Variants in CDK12 observed in about 807,000 individuals in gnomAD.
CDK12 encodes cyclin dependent kinase 12, also known as cyclin-dependent kinase 12.
In CDK12, 17 loss-of-function variants were observed where a neutral mutation model predicts 133.8. The observed-to-expected ratio is 0.13, with a 90% CI of 0.09 to 0.19. The LOEUF is 0.19. CDK12 is among the 10% of genes least tolerant of loss of function. The pLI, the probability that CDK12 is intolerant of heterozygous loss-of-function variation, is 1.00. For synonymous variants in CDK12, 694 were observed against 683.6 expected (o/e 1.02, Z -0.24); for missense variants, 1,508 against 1,818.7 (o/e 0.83, Z 3.11).
At chr17:39,473,206 G>A (rs2049934295) in intron 2 of CDK12, among the ~76,000 whole-genome samples, 1 of 151,762 alleles carries the variant, frequency 6.6e-6, no homozygotes, top group African/African-American at 2.4e-5. Context: ...TTTTATAGCC[G>A]GGTTTGTTTT....
intron 1 of CDK12, among the ~76,000 whole-genome samples, chr17:39,470,617 T>A (rs1283041436): frequency 6.6e-6 from 1 of 152,176 alleles, no homozygotes; most frequent in Non-Finnish European, 1.5e-5. Flanking sequence ...CTGGAGTCCA[T>A]ACTTTATTTA....
In CDK12 at chr17:39,462,218, C is replaced by G. The variant is rs571927153; in HGVS notation, c.147C>G (p.His49Gln). The G allele has an allele frequency of 1.2e-6, 2 of 1,614,248 alleles. No individual in the cohort carries two copies. Residue 49 changes from histidine (H) to glutamine (Q), a missense_variant, in exon 1 of 14, where the codon CAC becomes CAG. Coordinates refer to ENST00000447079, the MANE Select transcript of CDK12 (RefSeq NM_016507.4). ...VSKHKRHKSK[H>Q]SKDMGLVTPE... The stretch of plus-strand genomic sequence containing the variant: ...AGCACAAGCGGCATAAGTCCAAACA[C>G]TCCAAAGACATGGGGTTGGTGACCC...
intron 2 of CDK12, among the ~76,000 whole-genome samples, chr17:39,489,545 C>A (rs530179976): frequency 6.9e-6 from 1 of 144,426 alleles, no homozygotes; most frequent in Non-Finnish European, 1.5e-5. Context: ...CATACTGTTG[C>A]CTGGGCTGGA....
chr17:39,511,237 AATGAG>A (rs1228351122), intron 7 of CDK12, among the ~76,000 whole-genome samples: 2 of 128,620 alleles, frequency 1.6e-5, no homozygotes, highest in Non-Finnish European at 1.7e-5. Flanking sequence ...AAAAAAAAAA[AATGAG>A]ATCTTGCTGT....
At chr17:39,545,738 G>A (rs1177056554), upstream of CDK12, among the ~76,000 whole-genome samples, 3 of 149,692 alleles carry the variant, frequency 2.0e-5, 1 homozygote, top group Non-Finnish European at 4.4e-5. Context: ...GACCTCAGGT[G>A]ATCTGCCCAC....
intron 5 of CDK12, among the ~76,000 whole-genome samples, chr17:39,499,681 TG>T (rs1248419098): frequency 2.6e-5 from 4 of 151,758 alleles, no homozygotes; most frequent in African/African-American, 9.7e-5. Flanking sequence ...GGCTAATTTT[TG>T]TATTTTTTTT....
chr17:39,509,657 G>T, intron 6 of CDK12, 48 bp from the exon 7 acceptor site: 1 of 1,318,024 alleles, frequency 7.6e-7, no homozygotes, highest in South Asian at 1.2e-5. Flanking sequence ...GGTGTATTTT[G>T]GAGGCCACTG....
At chr17:39,473,387 A>G (rs185665996) in intron 2 of CDK12, among the ~76,000 whole-genome samples, 1 of 152,318 alleles carries the variant, frequency 6.6e-6, no homozygotes, top group East Asian at 1.9e-4. Context: ...AGTCCTCTGT[A>G]TATTGAGAAC....
At chr17:39,492,099 CT>C (rs781378233) in intron 3 of CDK12, among the ~76,000 whole-genome samples, 66 of 127,020 alleles carry the variant, frequency 5.2e-4, no homozygotes, top group East Asian at 7.2e-4. Flanking sequence ...ATTTTCTTTT[CT>C]TTTTTTTTTT....
intron 1 of CDK12, among the ~76,000 whole-genome samples, chr17:39,468,142 G>T (rs544757955): frequency 6.6e-6 from 1 of 151,896 alleles, no homozygotes; most frequent in East Asian, 1.9e-4. Context: ...TGATCCACCC[G>T]CCTCAGCCTC....
intron 8 of CDK12, among the ~76,000 whole-genome samples, chr17:39,512,341 CTACTT>C (rs2053552199): frequency 6.6e-6 from 1 of 152,186 alleles, no homozygotes; most frequent in South Asian, 2.1e-4. Flanking sequence ...GACCCTGAAA[CTACTT>C]TACAGTTTGT....
In CDK12 at chr17:39,482,599, A is replaced by ATTTTTTTT. The variant is rs71147345; in HGVS notation, c.1932-7944_1932-7937dup. ...GCTGCCAAAGTGAACAATCAACTAC[A>ATTTTTTTT]TTTTTTTTTTTTTTTTTTTTTGAGG... On this transcript the variant is annotated intron_variant, in intron 2 of 13. Coordinates refer to ENST00000447079, the MANE Select transcript of CDK12 (RefSeq NM_016507.4). Among the ~76,000 whole-genome samples the ATTTTTTTT allele has an allele frequency of 5.1e-3, 376 of 74,394 alleles. 62 individuals are homozygous for ATTTTTTTT. In the Middle Eastern group the frequency reaches 0.053, roughly 10 times the overall value. The allele number at this position is 74,394 out of a possible 152,430, so 48.8% of individuals were successfully genotyped here.
Position 39,531,431 on chromosome 17 carries a change from T to A in CDK12, c.*115T>A. Reference sequence around the variant, plus strand: ...GAGGTAATCATCTGCATTTGGCTACTGCAAAGCTGTCCGTTGTATTCCTTG... The same window carrying A: ...GAGGTAATCATCTGCATTTGGCTACAGCAAAGCTGTCCGTTGTATTCCTTG... On this transcript the variant is annotated 3_prime_UTR_variant, in exon 14 of 14. Coordinates refer to ENST00000447079, the MANE Select transcript of CDK12 (RefSeq NM_016507.4). The A allele has an allele frequency of 9.5e-7, 1 of 1,047,838 alleles. No homozygotes were observed. The highest frequency in any genetic ancestry group is 3.0e-5 in the East Asian group (1 of 33,374). The allele number at this position is 1,047,838 out of a possible 1,614,324, so 64.9% of individuals were successfully genotyped here. A position where few individuals can be genotyped will look rare whatever the true frequency, so the allele number is the denominator to read the frequency against.
chr17:39,514,355 T>G (rs1469171522), intron 8 of CDK12, among the ~76,000 whole-genome samples: 1 of 152,200 alleles, frequency 6.6e-6, no homozygotes, highest in Non-Finnish European at 1.5e-5. Flanking sequence ...TTTCTCAAAT[T>G]AAGTCAAACT....
At chr17:39,563,383 A>T (rs562434165) in intron 3 of CDK12, among the ~76,000 whole-genome samples, 1 of 145,172 alleles carries the variant, frequency 6.9e-6, no homozygotes, top group African/African-American at 2.7e-5. Flanking sequence ...ATCTGAGAGA[A>T]CTCAATATTC....
At chr17:39,513,540 C>T (rs1012884427) in intron 8 of CDK12, among the ~76,000 whole-genome samples, 6 of 152,136 alleles carry the variant, frequency 3.9e-5, no homozygotes, top group African/African-American at 7.2e-5. Context: ...CTAAAGTTAA[C>T]GCCCCATTAA....
chr17:39,486,253 CTTTTTTTTTTT>C (rs35710234), intron 2 of CDK12, among the ~76,000 whole-genome samples: 1 of 86,512 alleles, frequency 1.2e-5, no homozygotes, highest in Non-Finnish European at 2.3e-5. Flanking sequence ...CACCCTGCCT[CTTTTTTTTTTT>C]TTTTTTTTTT....
intron 5 of CDK12, 122 bp from the exon 6 acceptor site, chr17:39,501,128 A>C: frequency 1.7e-6 from 1 of 603,178 alleles, no homozygotes; most frequent in South Asian, 2.7e-5. Flanking sequence ...TCATCTGTAA[A>C]ATTCAAGGGT....
At chr17:39,481,630 C>T (rs2050663358) in intron 2 of CDK12, among the ~76,000 whole-genome samples, 2 of 38,288 alleles carry the variant, frequency 5.2e-5, no homozygotes, top group South Asian at 2.7e-3. Flanking sequence ...TGCTCGCTCG[C>T]GCGCTCTCTC....
Sources: gnomAD v4.1 joint callset for allele counts (sites outside exome capture counted in the v4.1 genomes callset) on GRCh38, gnomAD v4.1.1 for gene constraint, MANE v1.5 for transcripts, NCBI Gene and HGNC (gene_info 2026-07-23, HGNC 2026-07-21) for gene names.